Variants in JMY observed in about 807,000 individuals in gnomAD.
JMY encodes the protein junction-mediating and -regulatory protein.
A neutral mutation model predicts 103.3 loss-of-function variants in JMY; 46 were observed. The ratio of observed to expected loss-of-function variants is 0.45; its 90% CI spans 0.35 to 0.57. The LOEUF is 0.57. JMY is among the 20% of genes least tolerant of loss of function. JMY has a pLI of 0.00. For missense variants in JMY, 1,238 were observed against 1,255.2 expected, an observed-to-expected ratio of 0.99 and a Z score of 0.21; for synonymous variants, 526 against 489.3, an observed-to-expected ratio of 1.07 and a Z score of -0.99.
rs1746285851 is a variant in JMY at position 79,286,894 on chromosome 5, GTAACTC to G, written c.1207-3223_1207-3218del. Among the ~76,000 whole-genome samples, 5 of 152,292 alleles carry G rather than the reference GTAACTC, an allele frequency of 3.3e-5. No individual in the cohort carries two copies. The South Asian group carries it at 8.3e-4, about 25-fold the overall frequency. On this transcript the variant is annotated intron_variant, in intron 2 of 10. Transcript: ENST00000396137. ...ACCAGATAATTGAGAAGGCAAGAAA[GTAACTC>G]TAAGGTACTTCCAGAGGAAGCAATT...
At chr5:79,265,480 C>G (rs1378836433) in intron 1 of JMY, among the ~76,000 whole-genome samples, 17 of 152,242 alleles carry the variant, frequency 1.1e-4, no homozygotes, top group Non-Finnish European at 2.5e-4. Context: ...GTAACAAGTT[C>G]CTAGGTGACA....
chr5:79,272,243 G>A (rs983625921), intron 1 of JMY, among the ~76,000 whole-genome samples: 26 of 151,410 alleles, frequency 1.7e-4, no homozygotes, highest in Non-Finnish European at 2.8e-4. Flanking sequence ...CAACTTATTT[G>A]TGTCTTTGTT....
chr5:79,316,898 T>TA (rs34558016), intron 10 of JMY, among the ~76,000 whole-genome samples: 34,906 of 83,072 alleles, frequency 0.42, 8,054 homozygotes, highest in African/African-American at 0.54. Flanking sequence ...GACTCAGTCT[T>TA]AAAAAAAAAA....
chr5:79,314,345 A>G lies in JMY; in HGVS notation c.2153A>G (p.Glu718Gly), dbSNP rs764914737. Residue 718 changes from glutamate (E) to glycine (G), a missense_variant, in exon 9 of 11, where the codon GAG becomes GGG. By Grantham distance (98) the Glu-to-Gly change is moderately conservative. Transcript: ENST00000396137. ...GGTGCAGCAAGTCCTGTTCTCCAAGAGGATCATTGTGACTCTTTACCAAGT... is the reference window on the plus strand; with the variant it reads ...GGTGCAGCAAGTCCTGTTCTCCAAGGGGATCATTGTGACTCTTTACCAAGT... ...RKGAASPVLQ[E>G]DHCDSLPSVL... The G allele has an allele frequency of 1.9e-6, 3 of 1,614,234 alleles. No homozygotes were observed. The highest frequency in any genetic ancestry group is 2.2e-5 in the South Asian group (2 of 91,086).
intron 4 of JMY, among the ~76,000 whole-genome samples, chr5:79,297,834 A>G (rs951995069): frequency 6.6e-6 from 1 of 152,194 alleles, no homozygotes; most frequent in African/African-American, 2.4e-5. Flanking sequence ...CTCTTGGTCT[A>G]GATAGAACTC....
Position 79,284,652 on chromosome 5 carries a change from T to C in JMY, c.1207-5469T>C. The C allele has an allele frequency of 1.9e-6, 3 of 1,568,466 alleles. No individual in the cohort carries two copies. The Middle Eastern group carries it at 5.7e-4, about 296-fold the overall frequency. On this transcript the variant is annotated intron_variant, in intron 2 of 10. Coordinates refer to ENST00000396137, the MANE Select transcript of JMY (RefSeq NM_152405.5). ...TTAGGCAGTTTTTACCCTGAACATC[T>C]TCAGTAATCAGCTTGAATTTTCTAA... is the stretch of plus-strand genomic sequence containing the variant.
At position 79,291,041 on chromosome 5, in the gene JMY, T is replaced by G. The variant is rs1746405055; in HGVS notation, c.1358-89T>G. On this transcript the variant is annotated intron_variant, in intron 3 of 10. Transcript: ENST00000396137. ...GTTTATCATGACAGCAGGATTTGTT[T>G]CTCTTTGTGTGGTCAGTGAAATCTT... is the stretch of plus-strand genomic sequence containing the variant. The G allele has an allele frequency of 4.5e-6, 4 of 895,788 alleles. No homozygotes were observed. The East Asian group carries it at 1.2e-4, about 26-fold the overall frequency. The allele number at this position is 895,788 out of a possible 1,614,324, so 55.5% of individuals were successfully genotyped here.
intron 4 of JMY, among the ~76,000 whole-genome samples, chr5:79,298,100 C>T (rs1027906926): frequency 1.3e-5 from 2 of 152,108 alleles, no homozygotes; most frequent in African/African-American, 2.4e-5. Context: ...GAGAAACTTA[C>T]AGAGTGCTAG....
chr5:79,248,185 C>G (rs927811874), intron 1 of JMY, among the ~76,000 whole-genome samples: 1 of 152,066 alleles, frequency 6.6e-6, no homozygotes. Flanking sequence ...GCCACCGCAT[C>G]TGGCCTTTTA....
chr5:79,313,978 C>G (rs1747128246), intron 8 of JMY, among the ~76,000 whole-genome samples: 1 of 152,208 alleles, frequency 6.6e-6, no homozygotes, highest in Non-Finnish European at 1.5e-5. Flanking sequence ...CCTGCCTCAG[C>G]CTCCTGAGTA....
At chr5:79,304,948 T>C (rs551298128) in intron 6 of JMY, among the ~76,000 whole-genome samples, 2 of 152,312 alleles carry the variant, frequency 1.3e-5, no homozygotes, top group East Asian at 3.9e-4. Context: ...GATTCTGTCC[T>C]AGACACTCAG....
intron 4 of JMY, among the ~76,000 whole-genome samples, chr5:79,291,547 CTTAGTTGCTGTAAAGTTT>C (rs1209449673): frequency 6.6e-6 from 1 of 152,180 alleles, no homozygotes; most frequent in Non-Finnish European, 1.5e-5. Context: ...ATCAGAATTT[CTTAGTTGCTGTAAAGTTT>C]TTAATACTGT....
At chr5:79,321,533 G>C (rs1747449570) in intron 10 of JMY, 73 bp from the exon 11 acceptor site, 1 of 151,780 alleles carries the variant, frequency 6.6e-6, no homozygotes, top group East Asian at 1.9e-4. Context: ...TACACTTTTT[G>C]AGGGAACGTA....
chr5:79,303,341 G>A (rs951164664), intron 6 of JMY, among the ~76,000 whole-genome samples: 1 of 152,178 alleles, frequency 6.6e-6, no homozygotes, highest in African/African-American at 2.4e-5. Flanking sequence ...GGGATTGCAG[G>A]TGTGAGCCAC....
chr5:79,253,124 TATC>T (rs1292752807), intron 1 of JMY, among the ~76,000 whole-genome samples: 1 of 152,190 alleles, frequency 6.6e-6, no homozygotes, highest in East Asian at 1.9e-4. Context: ...TTGCAAATAC[TATC>T]TCATGACCCA....
intron 1 of JMY, among the ~76,000 whole-genome samples, chr5:79,246,959 A>G (rs1744924408): frequency 6.6e-6 from 1 of 152,080 alleles, no homozygotes; most frequent in African/African-American, 2.4e-5. Flanking sequence ...CTAAACTTTG[A>G]TTAATATTTG....
At chr5:79,264,833 T>G (rs1025289480) in intron 1 of JMY, among the ~76,000 whole-genome samples, 7 of 152,190 alleles carry the variant, frequency 4.6e-5, no homozygotes, top group African/African-American at 1.7e-4. Flanking sequence ...AATTTTAGTT[T>G]AAATAGTAGT....
intron 1 of JMY, among the ~76,000 whole-genome samples, chr5:79,267,298 C>T (rs963905915): frequency 1.3e-5 from 2 of 152,112 alleles, no homozygotes; most frequent in African/African-American, 4.8e-5. Context: ...TCCTGCTGTC[C>T]TGTGTACACC....
intron 1 of JMY, among the ~76,000 whole-genome samples, chr5:79,251,609 G>C (rs1054129283): frequency 6.6e-6 from 1 of 151,298 alleles, no homozygotes; most frequent in South Asian, 2.1e-4. Flanking sequence ...ATCAAATACC[G>C]GGTCTCATTC....
Sources: gnomAD v4.1 joint callset for allele counts (sites outside exome capture counted in the v4.1 genomes callset) on GRCh38, gnomAD v4.1.1 for gene constraint, MANE v1.5 for transcripts, NCBI Gene and HGNC (gene_info 2026-07-23, HGNC 2026-07-21) for gene names.